SIRPD: variants seen among roughly 807,000 people sequenced by gnomAD.
SIRPD encodes the protein signal-regulatory protein delta.
In SIRPD, 21 loss-of-function variants were observed where a neutral mutation model predicts 18.0. The ratio of observed to expected loss-of-function variants is 1.17; its 90% CI spans 0.83 to 1.68. The LOEUF (loss-of-function observed/expected upper bound fraction) is 1.68, where lower values mean the gene tolerates loss of function less well. SIRPD is among the 40% of genes most tolerant of loss of function. The pLI is 0.00. For missense variants in SIRPD, 295 were observed against 238.4 expected (o/e 1.24, Z -1.56); for synonymous variants, 106 against 92.9 (o/e 1.14, Z -0.81).
At chr20:1,551,608 A>G (rs2091019242) in intron 2 of SIRPD, 83 bp downstream of exon 2, 2 of 1,063,794 alleles carry the variant, frequency 1.9e-6, no homozygotes, top group African/African-American at 1.6e-5. Flanking sequence ...TTTGGCACAT[A>G]GCAATTATTG....
At chr20:1,550,227 C>T (rs2091012858) in intron 2 of SIRPD, among the ~76,000 whole-genome samples, 2 of 152,168 alleles carry the variant, frequency 1.3e-5, no homozygotes, top group African/African-American at 4.8e-5. Context: ...TGTTTTCAAC[C>T]TGCTTAGCAT....
intron 2 of SIRPD, among the ~76,000 whole-genome samples, chr20:1,547,254 G>A (rs2090997597): frequency 6.6e-6 from 1 of 152,090 alleles, no homozygotes; most frequent in Admixed American, 6.6e-5. Flanking sequence ...AGCATTATTT[G>A]TTGAAAAGAT....
intron 1 of SIRPD, among the ~76,000 whole-genome samples, chr20:1,556,014 T>C (rs1195228884): frequency 6.6e-6 from 1 of 152,194 alleles, no homozygotes; most frequent in Non-Finnish European, 1.5e-5. Context: ...TTCTAGGGGC[T>C]TCCCTCAGTT....
intron 2 of SIRPD, chr20:1,540,129 T>A (rs1600063884): frequency 3.1e-6 from 1 of 326,268 alleles, no homozygotes; most frequent in East Asian, 8.2e-5. Context: ...AATGTGAAAA[T>A]GGAACACAGA....
chr20:1,534,593 A>G (rs1262938529), intron 3 of SIRPD, 152 bp from the exon 4 acceptor site: 6 of 694,842 alleles, frequency 8.6e-6, no homozygotes, highest in Non-Finnish European at 1.2e-5. Context: ...GCGCTCCCAC[A>G]TACTGCTGGT....
At chr20:1,543,125 A>G (rs559264145) in intron 2 of SIRPD, among the ~76,000 whole-genome samples, 87 of 152,298 alleles carry the variant, frequency 5.7e-4, no homozygotes, top group Middle Eastern at 6.8e-3. Flanking sequence ...AGGTTTTGGT[A>G]TCAGGATGAT....
At chr20:1,545,433 T>TG (rs1162173752) in intron 2 of SIRPD, among the ~76,000 whole-genome samples, 6 of 152,230 alleles carry the variant, frequency 3.9e-5, no homozygotes, top group African/African-American at 1.2e-4. Flanking sequence ...GTATGCTTCA[T>TG]GAAGTTCTCG....
chr20:1,548,828 C>G (rs903737691), intron 2 of SIRPD, among the ~76,000 whole-genome samples: 5 of 151,896 alleles, frequency 3.3e-5, no homozygotes, highest in African/African-American at 1.2e-4. Flanking sequence ...ATTTCTGATT[C>G]TAGTAATTTG....
intron 2 of SIRPD, among the ~76,000 whole-genome samples, chr20:1,540,690 G>T (rs917533886): frequency 2.6e-5 from 4 of 152,150 alleles, no homozygotes; most frequent in Non-Finnish European, 5.9e-5. Context: ...TGCAGAACCT[G>T]CAGGTTTGTT....
chr20:1,541,864 C>T (rs187957489), intron 2 of SIRPD, among the ~76,000 whole-genome samples: 101 of 152,260 alleles, frequency 6.6e-4, no homozygotes, highest in Non-Finnish European at 2.1e-4. Context: ...TATGGCTAGC[C>T]AGTTTTCCCA....
At chr20:1,540,253 C>T (rs1189892686) in intron 2 of SIRPD, 1 of 455,766 alleles carries the variant, frequency 2.2e-6, no homozygotes, top group Non-Finnish European at 4.4e-6. Flanking sequence ...CCTAGAACCT[C>T]CAGAAGGAGC....
At chr20:1,557,521 A>G in intron 1 of SIRPD, 60 bp downstream of exon 1, 1 of 1,357,818 alleles carries the variant, frequency 7.4e-7, no homozygotes, top group Non-Finnish European at 9.8e-7. Context: ...GGTGAGGGAG[A>G]GTTCACTAAA....
intron 1 of SIRPD, among the ~76,000 whole-genome samples, chr20:1,556,286 G>A (rs1158992306): frequency 6.6e-6 from 1 of 152,146 alleles, no homozygotes; most frequent in Non-Finnish European, 1.5e-5. Flanking sequence ...ATTCAAGTGA[G>A]TTTTACTAGC....
At chr20:1,552,414 C>A (rs769867132) in intron 1 of SIRPD, among the ~76,000 whole-genome samples, 1 of 152,124 alleles carries the variant, frequency 6.6e-6, no homozygotes, top group African/African-American at 2.4e-5. Flanking sequence ...GTCCTTCAAC[C>A]CTACATCTCC....
intron 1 of SIRPD, among the ~76,000 whole-genome samples, chr20:1,555,642 A>G (rs1275619812): frequency 6.6e-6 from 1 of 152,242 alleles, no homozygotes; most frequent in Admixed American, 6.5e-5. Context: ...GATAAAATTT[A>G]AAAAACCATC....
rs747393286 is a variant in SIRPD at position 1,537,214 on chromosome 20, C to G, written c.518G>C (p.Arg173Thr). ...TTGGACGAAATAGTTTGTGCTGTTTCTCTCAGGCAGGGCCGAGAGGCAGGT... is the reference window on the plus strand; with the variant it reads ...TTGGACGAAATAGTTTGTGCTGTTTGTCTCAGGCAGGGCCGAGAGGCAGGT... ...AHTCLSALPE[R>T]NSTNYFVQPC... is the part of the protein sequence containing the mutation. The change falls in exon 3 of 4, where the codon AGA (arginine) becomes ACA (threonine). Residue 173 changes from arginine to threonine, a missense_variant. Physicochemically the swap from Arg to Thr is moderately conservative, Grantham distance 71. Transcript: ENST00000381623. 2 of 1,614,162 alleles carry G rather than the reference C, an allele frequency of 1.2e-6. No individual in the cohort carries two copies. Among genetic ancestry groups the G allele is most frequent in the South Asian group, 2.2e-5 (2 of 91,084 alleles).
intron 2 of SIRPD, among the ~76,000 whole-genome samples, chr20:1,547,516 C>G (rs2123137417): frequency 6.6e-6 from 1 of 152,344 alleles, no homozygotes. Context: ...CTCAGCCTCC[C>G]AAAGTGCTGG....
intron 2 of SIRPD, among the ~76,000 whole-genome samples, chr20:1,538,824 T>G (rs988710542): frequency 1.3e-5 from 2 of 152,172 alleles, no homozygotes; most frequent in African/African-American, 4.8e-5. Context: ...CATCCCCAGG[T>G]GAGTTTCCCA....
chr20:1,544,638 G>A (rs1568667762), intron 2 of SIRPD, among the ~76,000 whole-genome samples: 1 of 152,096 alleles, frequency 6.6e-6, no homozygotes, highest in South Asian at 2.1e-4. Flanking sequence ...ATATTGTTAT[G>A]TGTGAATTCG....
Sources: allele counts gnomAD v4.1 joint callset (sites outside exome capture counted in the v4.1 genomes callset), GRCh38; gene constraint gnomAD v4.1.1; transcripts MANE v1.5; gene names NCBI Gene and HGNC (gene_info 2026-07-23, HGNC 2026-07-21).